Variants in OPCML observed in about 807,000 individuals in gnomAD.
OPCML encodes opioid-binding protein/cell adhesion molecule.
In OPCML, 13 loss-of-function variants were observed where a neutral mutation model predicts 37.8. That is an observed-to-expected ratio of 0.34 (90% CI 0.22 to 0.55). The LOEUF (loss-of-function observed/expected upper bound fraction) is 0.55, where lower values mean the gene tolerates loss of function less well. Ranked by LOEUF, OPCML falls within the 20% of genes least tolerant of loss-of-function variation. The pLI is 0.91. For missense variants in OPCML, 341 were observed against 435.6 expected, an observed-to-expected ratio of 0.78 and a Z score of 1.93; for synonymous variants, 176 against 168.8, an observed-to-expected ratio of 1.04 and a Z score of -0.33.
chr11:133,130,080 A>G (rs1337549458), intron 1 of OPCML, among the ~76,000 whole-genome samples: 1 of 152,138 alleles, frequency 6.6e-6, no homozygotes, highest in Non-Finnish European at 1.5e-5. Context: ...ACGTTCAAAT[A>G]GTTAAGCAGA....
intron 1 of OPCML, among the ~76,000 whole-genome samples, chr11:133,086,122 A>C (rs1370301957): frequency 1.3e-5 from 2 of 152,208 alleles, no homozygotes; most frequent in East Asian, 3.9e-4. Context: ...CAAAGGTGAT[A>C]ATTCAAGCAC....
intron 2 of OPCML, among the ~76,000 whole-genome samples, chr11:132,886,559 C>A (rs748306062): frequency 1.1e-4 from 17 of 152,256 alleles, no homozygotes; most frequent in Non-Finnish European, 2.4e-4. Flanking sequence ...GTGGCTCCTC[C>A]AGGGCCTGCC....
intron 1 of OPCML, chr11:133,009,113 T>G: frequency 1.0e-6 from 1 of 985,390 alleles, no homozygotes; most frequent in Non-Finnish European, 1.2e-6. Context: ...CATTCTTTAA[T>G]TCTATTTAAC....
At chr11:132,452,146 C>A (rs2096069864) in intron 4 of OPCML, among the ~76,000 whole-genome samples, 1 of 152,188 alleles carries the variant, frequency 6.6e-6, no homozygotes, top group South Asian at 2.1e-4. Flanking sequence ...GCAGGCCCTG[C>A]AAATCCTCAA....
In OPCML at chr11:132,648,642, C is replaced by T. The variant is rs182092057; in HGVS notation, c.379+8445G>A. Among the ~76,000 whole-genome samples, 25 of 151,938 alleles carry T rather than the reference C, an allele frequency of 1.6e-4. 1 individual carries two copies. The highest frequency in any genetic ancestry group is 3.4e-3 in the Middle Eastern group (1 of 294). ...TCAGCCTCCTGAGTAGCTGGGACTACGGGCGCACGCCACCATGCCCAGCTA... is the reference window on the plus strand; with the variant it reads ...TCAGCCTCCTGAGTAGCTGGGACTATGGGCGCACGCCACCATGCCCAGCTA... On this transcript the variant is annotated intron_variant, in intron 3 of 7. Transcript: ENST00000524381.
At chr11:133,261,208 A>T (rs959652930) in intron 1 of OPCML, among the ~76,000 whole-genome samples, 1 of 152,228 alleles carries the variant, frequency 6.6e-6, no homozygotes, top group Non-Finnish European at 1.5e-5. Flanking sequence ...CAGGCCTGAG[A>T]CTACGTCACA....
At chr11:133,013,459 T>C (rs549619912) in intron 1 of OPCML, among the ~76,000 whole-genome samples, 2 of 152,360 alleles carry the variant, frequency 1.3e-5, no homozygotes, top group East Asian at 3.9e-4. Flanking sequence ...ATTTAAACAT[T>C]TTCTTTGAAG....
intron 1 of OPCML, among the ~76,000 whole-genome samples, chr11:133,137,989 C>T (rs1949716266): frequency 6.6e-6 from 1 of 152,098 alleles, no homozygotes; most frequent in Non-Finnish European, 1.5e-5. Flanking sequence ...GTGCTTTACC[C>T]CCATCAACAC....
intron 1 of OPCML, among the ~76,000 whole-genome samples, chr11:133,335,580 T>C (rs1943727401): frequency 6.6e-6 from 1 of 152,116 alleles, no homozygotes; most frequent in Admixed American, 6.5e-5. Flanking sequence ...AAAATTGTTT[T>C]CAATGATGGC....
At chr11:132,611,737 C>T (rs762470310) in intron 3 of OPCML, among the ~76,000 whole-genome samples, 12 of 152,090 alleles carry the variant, frequency 7.9e-5, no homozygotes, top group Admixed American at 1.3e-4. Flanking sequence ...TATTATGAGA[C>T]GGAAACCAGG....
Position 132,809,320 on chromosome 11 carries a change from T to C in OPCML, c.146+133606A>G, listed in dbSNP as rs145592168. ...GACAGAGGAGAGCAGTGAGCACAAG[T>C]GTGAAGGAAGTAGATAATCCAAACC... On this transcript the variant is annotated intron_variant, in intron 2 of 7. Transcript: ENST00000524381. 1.2e-3 allele frequency among the ~76,000 whole-genome samples: 185 copies of C among 152,146 alleles called. 1 individual carries two copies. Among genetic ancestry groups the C allele is most frequent in the African/African-American group, 4.0e-3 (168 of 41,508 alleles).
At chr11:133,425,276 C>T (rs1945978623) in intron 1 of OPCML, among the ~76,000 whole-genome samples, 1 of 152,188 alleles carries the variant, frequency 6.6e-6, no homozygotes, top group Non-Finnish European at 1.5e-5. Context: ...TTTATCCTTC[C>T]TTTTCAAAGA....
chr11:133,531,744 GGAGAGAGAGAGAGA>G (rs10567773), intron 1 of OPCML, among the ~76,000 whole-genome samples: 3 of 137,148 alleles, frequency 2.2e-5, no homozygotes, highest in African/African-American at 5.5e-5. Context: ...AGGTGGAGAG[GGAGAGAGAGAGAGA>G]GAGAGAGAGA....
rs1485892133 is a variant in OPCML at position 133,177,700 on chromosome 11, G to T, written c.62-234690C>A. Among the ~76,000 whole-genome samples the T allele has an allele frequency of 6.6e-6, 1 of 152,146 alleles. No homozygotes were observed. The highest frequency in any genetic ancestry group is 1.5e-5 in the Non-Finnish European group (1 of 68,040). On this transcript the variant is annotated intron_variant, in intron 1 of 7. Coordinates refer to ENST00000524381, the MANE Select transcript of OPCML (RefSeq NM_001012393.5). The surrounding 1 kb of genome is among the most constrained non-coding windows in gnomAD (Gnocchi z 5.0). Reference sequence around the variant, plus strand: ...CATCCAGTGAAATCGCAGTAACAGTGGGTGGTACACTAAGGTCCACAGATT... The same window carrying T: ...CATCCAGTGAAATCGCAGTAACAGTTGGTGGTACACTAAGGTCCACAGATT...
chr11:132,669,672 G>A (rs1305725632), intron 2 of OPCML, among the ~76,000 whole-genome samples: 1 of 152,186 alleles, frequency 6.6e-6, no homozygotes, highest in Non-Finnish European at 1.5e-5. Flanking sequence ...AAATGGTGGT[G>A]CTACAGTACA....
chr11:132,514,837 C>T (rs2096276338), intron 4 of OPCML, among the ~76,000 whole-genome samples: 1 of 152,064 alleles, frequency 6.6e-6, no homozygotes, highest in Non-Finnish European at 1.5e-5. Flanking sequence ...TCTGACATCC[C>T]AGAGCACCAC....
At chr11:133,083,420 C>T (rs1948771601) in intron 1 of OPCML, among the ~76,000 whole-genome samples, 1 of 152,186 alleles carries the variant, frequency 6.6e-6, no homozygotes, top group African/African-American at 2.4e-5. Flanking sequence ...GCGGAGAGGG[C>T]TGGCCTGAGG....
intron 3 of OPCML, among the ~76,000 whole-genome samples, chr11:132,581,226 G>A (rs2096461429): frequency 6.6e-6 from 1 of 152,084 alleles, no homozygotes; most frequent in African/African-American, 2.4e-5. Context: ...AGTTACATGG[G>A]TTATAGTCAT....
chr11:132,416,612 C>T lies in OPCML; in HGVS notation c.*3581G>A, dbSNP rs889384512. 4 of 152,182 alleles carry T rather than the reference C, an allele frequency of 2.6e-5. No individual in the cohort carries two copies. Among genetic ancestry groups the T allele is most frequent in the African/African-American group, 9.7e-5 (4 of 41,432 alleles). The allele number at this position is 152,182 out of a possible 1,614,324, so 9.4% of individuals were successfully genotyped here. ...AGTCTTCTCACCCAGGTTTTGAGAA[C>T]AAACTGCCCAATCTGTAAATGTATC... On this transcript the variant is annotated 3_prime_UTR_variant, in exon 8 of 8. Transcript: ENST00000524381.
Sources: allele counts gnomAD v4.1 joint callset (sites outside exome capture counted in the v4.1 genomes callset), GRCh38; gene constraint gnomAD v4.1.1; non-coding constraint Gnocchi (gnomAD v3.1); transcripts MANE v1.5; gene names NCBI Gene and HGNC (gene_info 2026-07-23, HGNC 2026-07-21).